The following KCNK2 variants were observed in gnomAD, a reference collection of about 807,000 sequenced individuals.
The protein encoded by KCNK2 is potassium channel subfamily K member 2.
KCNK2 carries 21 observed loss-of-function variants against 40.5 expected under a neutral mutation model. That is an observed-to-expected ratio of 0.52 (90% confidence interval 0.37 to 0.75). The LOEUF is 0.75. Ranked by LOEUF, KCNK2 falls within the 30% of genes least tolerant of loss-of-function variation. The pLI, the probability that KCNK2 is intolerant of heterozygous loss-of-function variation, is 0.00. For missense variants in KCNK2, 399 were observed against 531.6 expected (o/e 0.75, Z 2.45); for synonymous variants, 191 against 202.2 (o/e 0.94, Z 0.47).
intron 6 of KCNK2, among the ~76,000 whole-genome samples, chr1:215,213,319 T>C (rs1281467541): frequency 6.6e-6 from 1 of 152,156 alleles, no homozygotes; most frequent in East Asian, 1.9e-4. Context: ...TATAAAAAAA[T>C]TCTCCTGGGC....
At chr1:215,176,433 C>T (rs1663976048) in intron 5 of KCNK2, among the ~76,000 whole-genome samples, 1 of 152,024 alleles carries the variant, frequency 6.6e-6, no homozygotes, top group East Asian at 1.9e-4. Flanking sequence ...CACAGATCAA[C>T]CCATCACCTA....
In KCNK2 at chr1:215,228,856, A is replaced by G. The variant is rs79497151; in HGVS notation, c.964-5972A>G. Among the ~76,000 whole-genome samples, 883 of 152,258 alleles carry G rather than the reference A, an allele frequency of 5.8e-3. 19 individuals carry two copies. In the South Asian group the frequency reaches 0.064, roughly 11 times the overall value. ...TCTTCGAAAACAAAAAAGCATCTTT[A>G]GAGTTTGAGTAGACAATTTTATCAC... is the stretch of plus-strand genomic sequence containing the variant. On this transcript the variant is annotated intron_variant, in intron 6 of 6. Transcript: ENST00000444842.
intron 2 of KCNK2, among the ~76,000 whole-genome samples, chr1:215,123,521 CA>C (rs1281187326): frequency 1.3e-5 from 2 of 151,854 alleles, no homozygotes; most frequent in Non-Finnish European, 1.5e-5. Flanking sequence ...AGACATATTT[CA>C]TAATGGTCAG....
intron 1 of KCNK2, among the ~76,000 whole-genome samples, chr1:215,045,507 C>T (rs1558067848): frequency 6.6e-6 from 1 of 152,092 alleles, no homozygotes; most frequent in Non-Finnish European, 1.5e-5. Context: ...GAAAGATGAC[C>T]TTGTAATATT....
At chr1:215,066,553 T>C (rs1545505) in intron 1 of KCNK2, among the ~76,000 whole-genome samples, 145,939 of 152,232 alleles carry the variant, frequency 0.96, 70,240 homozygotes, top group East Asian at 1. Context: ...CTGGTGGCTG[T>C]GGGGCTGTTT....
rs370044730 is a variant in KCNK2 at position 215,047,113 on chromosome 1, G to A, written c.35-39255G>A. On this transcript the variant is annotated intron_variant, in intron 1 of 6. Coordinates refer to the KCNK2 transcript ENST00000391895. ...TTCAGCATCATAATAGGAAATTATT[G>A]CCTGATTTTAACTTGCAGAAAATTA... Among the ~76,000 whole-genome samples, 84 of 151,960 alleles carry A rather than the reference G, an allele frequency of 5.5e-4. 1 individual carries two copies. Among genetic ancestry groups the A allele is most frequent in the African/African-American group, 1.9e-3 (79 of 41,408 alleles).
At position 215,221,378 on chromosome 1, in the gene KCNK2, GAAAC is replaced by G. The variant is rs540107294; in HGVS notation, c.964-13435_964-13432del. On this transcript the variant is annotated intron_variant, in intron 6 of 6. Transcript: ENST00000444842. ...AACAGAGTGAGACTCCATCTCAAAA[GAAAC>G]AAACAAACAAACAACGACAACAAAA... Among the ~76,000 whole-genome samples, 32 of 151,962 alleles carry G rather than the reference GAAAC, an allele frequency of 2.1e-4. 1 individual carries two copies. In the South Asian group the frequency reaches 4.4e-3, roughly 21 times the overall value.
intron 3 of KCNK2, among the ~76,000 whole-genome samples, chr1:215,153,234 CAT>C (rs1662764155): frequency 6.6e-6 from 1 of 152,102 alleles, no homozygotes; most frequent in Non-Finnish European, 1.5e-5. Flanking sequence ...CCCAAGTAAA[CAT>C]AAACAAAAAC....
chr1:215,222,130 G>A (rs1666203656), intron 6 of KCNK2, among the ~76,000 whole-genome samples: 1 of 152,086 alleles, frequency 6.6e-6, no homozygotes, highest in Non-Finnish European at 1.5e-5. Flanking sequence ...AAGCCATGAG[G>A]GATCCACCCC....
At position 215,083,139 on chromosome 1, in the gene KCNK2, C is replaced by G; in HGVS notation, c.-247C>G. 1 of 810,570 alleles carries G rather than the reference C, an allele frequency of 1.2e-6. No individual in the cohort carries two copies. Among genetic ancestry groups the G allele is most frequent in the Non-Finnish European group, 2.0e-6 (1 of 508,998 alleles). The allele number at this position is 810,570 out of a possible 1,614,324, so 50.2% of individuals were successfully genotyped here. A position where few individuals can be genotyped will look rare whatever the true frequency, so the allele number is the denominator to read the frequency against. Reference sequence around the variant, plus strand: ...AGCCCAACTTGGCCTCCGCCTCGCCCTCTGCCCAGCCCGCCGGTGTCCCCT... The same window carrying G: ...AGCCCAACTTGGCCTCCGCCTCGCCGTCTGCCCAGCCCGCCGGTGTCCCCT... On this transcript the variant is annotated 5_prime_UTR_variant, in exon 1 of 7. Coordinates refer to ENST00000444842, the MANE Select transcript of KCNK2 (RefSeq NM_001017425.3).
intron 6 of KCNK2, among the ~76,000 whole-genome samples, chr1:215,201,163 G>C (rs1277680891): frequency 6.6e-6 from 1 of 152,160 alleles, no homozygotes; most frequent in Non-Finnish European, 1.5e-5. Flanking sequence ...TAAATAAATT[G>C]ATTTGTGGTT....
intron 2 of KCNK2, among the ~76,000 whole-genome samples, chr1:215,115,815 C>T (rs1475176885): frequency 6.6e-6 from 1 of 151,914 alleles, no homozygotes; most frequent in African/African-American, 2.4e-5. Context: ...GATTAATGGT[C>T]CCATAAAATA....
intron 2 of KCNK2, among the ~76,000 whole-genome samples, chr1:215,109,825 T>A (rs146756070): frequency 2.6e-5 from 4 of 152,188 alleles, no homozygotes; most frequent in African/African-American, 9.6e-5. Context: ...TGTACTGATT[T>A]ACATTTCCAC....
At chr1:215,171,328 T>C (rs908261036) in intron 4 of KCNK2, among the ~76,000 whole-genome samples, 1 of 152,122 alleles carries the variant, frequency 6.6e-6, no homozygotes, top group Non-Finnish European at 1.5e-5. Flanking sequence ...AGACTTATCC[T>C]TACCTGCTGA....
At chr1:215,176,256 C>A (rs542262172) in intron 5 of KCNK2, among the ~76,000 whole-genome samples, 16 of 152,126 alleles carry the variant, frequency 1.1e-4, no homozygotes, top group African/African-American at 3.9e-4. Context: ...TGATGTGGGG[C>A]ATTTTTTTAT....
At position 215,236,134 on chromosome 1, in the gene KCNK2, A is replaced by T. The variant is rs553814102; in HGVS notation, c.*989A>T. On this transcript the variant is annotated 3_prime_UTR_variant, in exon 7 of 7. Coordinates refer to ENST00000444842, the MANE Select transcript of KCNK2 (RefSeq NM_001017425.3). ...CAGAAGAAAACTGTTAAAAATGGAT[A>T]TTATTGGAGGGGATTTAAAACAGTG... 9.2e-5 allele frequency: 14 copies of T among 152,274 alleles called. No homozygotes were observed. The highest frequency in any genetic ancestry group is 2.9e-4 in the African/African-American group (12 of 41,366). 9.4% of individuals were successfully genotyped at this position (152,274 alleles called of 1,614,324 possible).
At chr1:215,107,206 T>G (rs1660472664) in intron 2 of KCNK2, among the ~76,000 whole-genome samples, 1 of 152,084 alleles carries the variant, frequency 6.6e-6, no homozygotes, top group Non-Finnish European at 1.5e-5. Flanking sequence ...ATGATATTAT[T>G]TCAATCTATG....
At chr1:215,205,307 G>A (rs1665267987) in intron 6 of KCNK2, among the ~76,000 whole-genome samples, 1 of 152,052 alleles carries the variant, frequency 6.6e-6, no homozygotes, top group African/African-American at 2.4e-5. Flanking sequence ...GCATGATCTC[G>A]GCTCACTGCA....
intron 2 of KCNK2, among the ~76,000 whole-genome samples, chr1:215,088,701 G>C (rs538716740): frequency 6.6e-6 from 1 of 152,276 alleles, no homozygotes; most frequent in East Asian, 1.9e-4. Flanking sequence ...ATAACTTGAA[G>C]GTCATGGCAG....
Sources: gnomAD v4.1 joint callset for allele counts (sites outside exome capture counted in the v4.1 genomes callset) on GRCh38, gnomAD v4.1.1 for gene constraint, MANE v1.5 for transcripts, NCBI Gene and HGNC (gene_info 2026-07-23, HGNC 2026-07-21) for gene names.